Variants in RUNX2 observed in about 807,000 individuals in gnomAD.
The protein encoded by RUNX2 is RUNX family transcription factor 2, also known as runt-related transcription factor 2.
A neutral mutation model predicts 51.7 loss-of-function variants in RUNX2; 10 were observed. That is an observed-to-expected ratio of 0.19 (90% CI 0.12 to 0.33). The LOEUF (loss-of-function observed/expected upper bound fraction) is 0.33. RUNX2 is among the 10% of genes least tolerant of loss of function. The pLI is 1.00. For missense variants in RUNX2, 562 were observed against 691.3 expected, an observed-to-expected ratio of 0.81 and a Z score of 2.10; for synonymous variants, 276 against 273.6, an observed-to-expected ratio of 1.01 and a Z score of -0.09.
intron 2 of RUNX2, among the ~76,000 whole-genome samples, chr6:45,344,874 G>C (rs1014539952): frequency 1.3e-5 from 2 of 152,142 alleles, no homozygotes; most frequent in Non-Finnish European, 2.9e-5. Flanking sequence ...TAATGGTACA[G>C]AATTTTTAAA....
Position 45,371,676 on chromosome 6 carries a change from C to T in RUNX2, c.58+42892C>T, listed in dbSNP as rs573426090. On this transcript the variant is annotated intron_variant, in intron 2 of 8. Coordinates refer to ENST00000647337, the MANE Select transcript of RUNX2 (RefSeq NM_001024630.4). The stretch of plus-strand genomic sequence containing the variant: ...AGTTGTAAACATAGCAGTCAGGGGA[C>T]TTACATGGTCATTAAGTTATCTTGG... Among the ~76,000 whole-genome samples the T allele has an allele frequency of 1.1e-4, 17 of 152,258 alleles. No individual in the cohort carries two copies. In the South Asian group the frequency reaches 3.3e-3, roughly 30 times the overall value.
chr6:45,383,599 C>G (rs1276792734), intron 2 of RUNX2, among the ~76,000 whole-genome samples: 1 of 151,946 alleles, frequency 6.6e-6, no homozygotes, highest in African/African-American at 2.4e-5. Context: ...AAAAGCTAAA[C>G]ATCCCCTTGT....
At position 45,422,720 on chromosome 6, in the gene RUNX2, GCAGCAGCAA is replaced by G. The variant is rs1261137585; in HGVS notation, c.195_203del (p.Gln69_Gln71del). 6.3e-7 allele frequency: 1 copy of G among 1,593,178 alleles called. No individual in the cohort carries two copies. The highest frequency in any genetic ancestry group is 1.7e-5 in the Admixed American group (1 of 57,694). ...AGCAGCAGCAGCAACAGCAGCAGCA[GCAGCAGCAA>G]CAGCAGCAGCAGCAGCAGGAGGCGG... On this transcript the variant is annotated inframe_deletion, in exon 3 of 9. Coordinates refer to ENST00000647337, the MANE Select transcript of RUNX2 (RefSeq NM_001024630.4).
intron 6 of RUNX2, among the ~76,000 whole-genome samples, chr6:45,508,591 C>A (rs573478888): frequency 6.6e-6 from 1 of 152,232 alleles, no homozygotes; most frequent in African/African-American, 2.4e-5. Flanking sequence ...GGACAGTGAC[C>A]TTGAAAGAGA....
chr6:45,422,735 G>GCAA lies in RUNX2; in HGVS notation c.203_204insACA (p.Gln71dup). ...AGCAGCAGCAGCAGCAGCAACAGCA[G>GCAA]CAGCAGCAGCAGGAGGCGGCGGCGG... On this transcript the variant is annotated inframe_insertion, in exon 3 of 9. Transcript: ENST00000647337. 1 of 1,566,726 alleles carries GCAA rather than the reference G, an allele frequency of 6.4e-7. No individual in the cohort carries two copies. Among genetic ancestry groups the GCAA allele is most frequent in the Non-Finnish European group, 8.6e-7 (1 of 1,160,378 alleles).
At chr6:45,492,424 G>A (rs1800511076) in intron 6 of RUNX2, among the ~76,000 whole-genome samples, 4 of 152,134 alleles carry the variant, frequency 2.6e-5, no homozygotes, top group Admixed American at 2.0e-4. Flanking sequence ...TTGTATCCAG[G>A]TGGTGCAGGG....
intron 2 of RUNX2, among the ~76,000 whole-genome samples, chr6:45,333,526 A>G (rs1367277183): frequency 6.6e-6 from 1 of 151,574 alleles, no homozygotes; most frequent in African/African-American, 2.4e-5. Context: ...TGTAAGCAAC[A>G]TGTTATCAAA....
rs147009083 is a variant in RUNX2, at chr6:45,437,973, G to A, written c.607G>A (p.Val203Ile). The change falls in exon 5 of 9, where the codon GTC (valine) becomes ATC (isoleucine). Residue 203 changes from valine to isoleucine, a missense_variant. Val to Ile is a conservative substitution (Grantham distance 29). Around this residue, in one of 5 missense-constraint regions of RUNX2, gnomAD observed 37 missense variants for 66.5 expected, o/e 0.56. Transcript: ENST00000647337. ...RGKSFTLTIT[V>I]FTNPPQVATY... Reference sequence around the variant, plus strand: ...CAAGAGTTTCACCTTGACCATAACCGTCTTCACAAATCCTCCCCAAGTAGC... The same window carrying A: ...CAAGAGTTTCACCTTGACCATAACCATCTTCACAAATCCTCCCCAAGTAGC... The A allele has an allele frequency of 7.4e-5, 120 of 1,613,140 alleles. No homozygotes were observed. The highest frequency in any genetic ancestry group is 3.6e-4 in the African/African-American group (27 of 74,964).
At chr6:45,399,965 AAAGG>A (rs1469987391) in intron 2 of RUNX2, among the ~76,000 whole-genome samples, 60 of 147,266 alleles carry the variant, frequency 4.1e-4, no homozygotes, top group African/African-American at 1.1e-3. Context: ...TTTTCTTTAG[AAAGG>A]AAGGAAGGAA....
intron 2 of RUNX2, among the ~76,000 whole-genome samples, chr6:45,419,234 A>G (rs1231501212): frequency 2.0e-5 from 3 of 152,210 alleles, no homozygotes; most frequent in Non-Finnish European, 4.4e-5. Context: ...GGAGGAGGAC[A>G]ATCCCAGAGA....
At chr6:45,372,182 C>T (rs374887708) in intron 2 of RUNX2, 3 of 227,508 alleles carry the variant, frequency 1.3e-5, no homozygotes, top group Admixed American at 6.5e-5. Context: ...AACACTTACA[C>T]ATGACCTTGG....
intron 2 of RUNX2, among the ~76,000 whole-genome samples, chr6:45,334,145 G>A (rs1788071222): frequency 6.6e-6 from 1 of 150,978 alleles, no homozygotes; most frequent in Non-Finnish European, 1.5e-5. Context: ...CATCAGATTA[G>A]TGACATTTCT....
chr6:45,533,894 T>G (rs1414056177), intron 7 of RUNX2, among the ~76,000 whole-genome samples: 5 of 66,192 alleles, frequency 7.6e-5, no homozygotes, highest in Non-Finnish European at 1.2e-4. Flanking sequence ...GAGACTTTTT[T>G]TTTTTTTTTT....
intron 2 of RUNX2, among the ~76,000 whole-genome samples, chr6:45,346,728 C>T (rs1287365074): frequency 6.6e-6 from 1 of 151,998 alleles, no homozygotes; most frequent in Non-Finnish European, 1.5e-5. Flanking sequence ...CCATGCCTGG[C>T]TAATTTTTAT....
chr6:45,408,091 G>A (rs1327345635), intron 2 of RUNX2, among the ~76,000 whole-genome samples: 1 of 151,998 alleles, frequency 6.6e-6, no homozygotes, highest in Non-Finnish European at 1.5e-5. Context: ...CATCTCTTAA[G>A]GATTTGAAAG....
intron 5 of RUNX2, among the ~76,000 whole-genome samples, chr6:45,487,011 T>A (rs1800303136): frequency 6.6e-6 from 1 of 152,192 alleles, no homozygotes. Context: ...GGGACTTAAC[T>A]GTTTCTCATT....
intron 2 of RUNX2, among the ~76,000 whole-genome samples, chr6:45,381,664 A>G (rs1797243401): frequency 6.6e-6 from 1 of 152,146 alleles, no homozygotes; most frequent in Non-Finnish European, 1.5e-5. Flanking sequence ...CCTAGGCTTA[A>G]GAGATCCTCC....
At chr6:45,530,545 T>C (rs1801810177) in intron 7 of RUNX2, among the ~76,000 whole-genome samples, 1 of 152,226 alleles carries the variant, frequency 6.6e-6, no homozygotes, top group Non-Finnish European at 1.5e-5. Flanking sequence ...TGCAGTTAGA[T>C]GACAGTGGAC....
intron 2 of RUNX2, among the ~76,000 whole-genome samples, chr6:45,354,558 T>A (rs1021270009): frequency 9.2e-5 from 14 of 152,062 alleles, no homozygotes; most frequent in African/African-American, 3.4e-4. Flanking sequence ...TTTCCTTGGA[T>A]AATAAGGGGC....
Sources: allele counts gnomAD v4.1 joint callset (sites outside exome capture counted in the v4.1 genomes callset), GRCh38; gene constraint gnomAD v4.1.1; regional missense constraint gnomAD v4.1.1; transcripts MANE v1.5; gene names NCBI Gene and HGNC (gene_info 2026-07-23, HGNC 2026-07-21).